EARS2: variants seen among roughly 807,000 people sequenced by gnomAD.
EARS2 encodes glutamyl-tRNA synthetase 2, mitochondrial.
In EARS2, 50 loss-of-function variants were observed where a neutral mutation model predicts 54.1. The ratio of observed to expected loss-of-function variants is 0.92; its 90% CI spans 0.74 to 1.17. The LOEUF (loss-of-function observed/expected upper bound fraction) is 1.17, where lower values mean the gene tolerates loss of function less well. Among genes scored for constraint, EARS2 ranks in the 50% most tolerant of loss-of-function variants. EARS2 has a pLI of 0.00. For missense variants in EARS2, 673 were observed against 675.0 expected (o/e 1.00, Z 0.03); for synonymous variants, 298 against 281.0 (o/e 1.06, Z -0.61).
chr16:23,535,498 T>C, intron 3 of EARS2, 138 bp from the exon 4 acceptor site: 2 of 718,358 alleles, frequency 2.8e-6, no homozygotes, highest in South Asian at 1.9e-5. Flanking sequence ...ACAGGGATGA[T>C]GGTACAGTTG....
intron 3 of EARS2, among the ~76,000 whole-genome samples, chr16:23,539,256 C>T (rs1169006948): frequency 6.6e-6 from 1 of 152,134 alleles, no homozygotes; most frequent in Non-Finnish European, 1.5e-5. Flanking sequence ...ATAGTTTTTA[C>T]AGATCTTTTA....
intron 7 of EARS2, 112 bp downstream of exon 7, chr16:23,529,390 G>T: frequency 7.3e-7 from 1 of 1,363,834 alleles, no homozygotes; most frequent in Non-Finnish European, 1.0e-6. Context: ...TTCTTCACTG[G>T]CCATGGAGTT....
intron 7 of EARS2, 36 bp from the exon 8 acceptor site, chr16:23,525,415 G>A: frequency 6.3e-7 from 1 of 1,588,664 alleles, no homozygotes; most frequent in Non-Finnish European, 8.6e-7. Flanking sequence ...GGCCTGCATG[G>A]GCCAATGGCA....
chr16:23,538,756 G>C (rs983244891), intron 3 of EARS2, among the ~76,000 whole-genome samples: 11 of 152,008 alleles, frequency 7.2e-5, no homozygotes, highest in African/African-American at 2.7e-4. Context: ...CCACCCACTT[G>C]GGAGACTGAA....
rs577733714 is a variant in EARS2 at position 23,535,117 on chromosome 16, G to A, written c.729C>T (p.His243=). The change falls in exon 4 of 9, where the codon CAC becomes CAT. Residue 243 remains histidine (H), a synonymous_variant. Transcript: ENST00000449606. ...CGAGCCACTCAGAGCCTCGCAGCAC[G>A]TGGCTGATGCCCATGTGGTGGTCGT... ...VVDDHHMGIS[H]VLRGSEWLVS... 1.8e-5 allele frequency: 29 copies of A among 1,611,918 alleles called. No individual in the cohort carries two copies. In the South Asian group the frequency reaches 2.1e-4, roughly 12 times the overall value.
rs1965162586 is a variant in EARS2, at chr16:23,522,904, C to T, written c.*1467G>A. On this transcript the variant is annotated 3_prime_UTR_variant, in exon 9 of 9. Coordinates refer to ENST00000449606, the MANE Select transcript of EARS2 (RefSeq NM_001083614.2). ...GACCAGCTTTCAAGATTGCACACTC[C>T]CATGGCTATTGGTGGGAGGCCTCGA... is the stretch of plus-strand genomic sequence containing the variant. 2.0e-5 allele frequency: 3 copies of T among 152,270 alleles called. 1 individual carries two copies. In the South Asian group the frequency reaches 6.2e-4, roughly 32 times the overall value. The allele number at this position is 152,270 out of a possible 1,614,324, so 9.4% of individuals were successfully genotyped here.
Position 23,557,332 on chromosome 16 carries a change from G to A in EARS2, c.12C>T (p.Leu4=), listed in dbSNP as rs746929664. The stretch of plus-strand genomic sequence containing the variant: ...TCTCGCGCTGCAGCAGTCTCCTCAG[G>A]AGCGCCGCCATGTGGGATGGAATAG... The part of the protein sequence containing the change: MAA[L]LRRLLQRERP... Residue 4 remains leucine, a synonymous_variant, in exon 1 of 9, where the codon CTC becomes CTT. Coordinates refer to ENST00000449606, the MANE Select transcript of EARS2 (RefSeq NM_001083614.2). 3 of 1,548,192 alleles carry A rather than the reference G, an allele frequency of 1.9e-6. No homozygotes were observed. The highest frequency in any genetic ancestry group is 1.7e-6 in the Non-Finnish European group (2 of 1,153,802).
At chr16:23,529,432 G>GA (rs1447747237) in intron 7 of EARS2, 70 bp downstream of exon 7, 1 of 1,558,890 alleles carries the variant, frequency 6.4e-7, no homozygotes, top group Non-Finnish European at 8.7e-7. Flanking sequence ...AGCCCTGAAG[G>GA]AAAGAGAGCC....
At chr16:23,535,512 G>A in intron 3 of EARS2, 152 bp from the exon 4 acceptor site, 1 of 662,048 alleles carries the variant, frequency 1.5e-6, no homozygotes, top group Non-Finnish European at 2.5e-6. Context: ...ACAGTTGTGT[G>A]GAAAACTGAG....
chr16:23,539,178 C>T lies in EARS2; in HGVS notation c.486-3818G>A, dbSNP rs145515012. 5.3e-5 allele frequency among the ~76,000 whole-genome samples: 8 copies of T among 152,092 alleles called. No individual in the cohort carries two copies. In the South Asian group the frequency reaches 8.3e-4, roughly 16 times the overall value. On this transcript the variant is annotated intron_variant, in intron 3 of 8. Coordinates refer to ENST00000449606, the MANE Select transcript of EARS2 (RefSeq NM_001083614.2). Reference sequence around the variant, plus strand: ...CTTTAATATAGATAGGGTTTCACCACGTTGCCCAGGCTGCAGTTGTGTCCT... The same window carrying T: ...CTTTAATATAGATAGGGTTTCACCATGTTGCCCAGGCTGCAGTTGTGTCCT...
intron 1 of EARS2, chr16:23,556,740 T>A: frequency 1.1e-5 from 4 of 374,810 alleles, no homozygotes; most frequent in South Asian, 4.1e-5. Flanking sequence ...ACCTGCTCAG[T>A]AAAGCCTTCT....
At chr16:23,544,451 C>T (rs1262147441) in intron 3 of EARS2, 63 bp downstream of exon 3, 1 of 1,497,622 alleles carries the variant, frequency 6.7e-7, no homozygotes, top group African/African-American at 1.4e-5. Flanking sequence ...ATTTCTTACG[C>T]AGCACAAGGT....
rs563659719 is a variant in EARS2, at chr16:23,542,651, A to T, written c.485+1863T>A. Reference sequence around the variant, plus strand: ...TCATTAAAAATAACAAATAATTAAAATTACTTTACACATTACTTTCTGAGA... The same window carrying T: ...TCATTAAAAATAACAAATAATTAAATTTACTTTACACATTACTTTCTGAGA... On this transcript the variant is annotated intron_variant, in intron 3 of 8. Transcript: ENST00000449606. 2.0e-5 allele frequency among the ~76,000 whole-genome samples: 3 copies of T among 152,114 alleles called. No homozygotes were observed. In the South Asian group the frequency reaches 6.2e-4, roughly 31 times the overall value.
intron 2 of EARS2, among the ~76,000 whole-genome samples, chr16:23,548,406 A>C (rs993625822): frequency 2.0e-5 from 3 of 152,142 alleles, no homozygotes. Context: ...TCTGGGCTGC[A>C]AGCCTCATTC....
intron 3 of EARS2, 191 bp from the exon 4 acceptor site, chr16:23,535,551 T>G: frequency 5.0e-6 from 3 of 603,340 alleles, no homozygotes. Flanking sequence ...CACTAATGTC[T>G]GCCTATCTAC....
intron 1 of EARS2, among the ~76,000 whole-genome samples, chr16:23,553,496 C>T (rs1483964044): frequency 2.6e-5 from 4 of 152,112 alleles, no homozygotes; most frequent in Admixed American, 2.6e-4. Context: ...GTAGCTCACA[C>T]CTCTAATCCC....
intron 2 of EARS2, among the ~76,000 whole-genome samples, chr16:23,551,312 G>A (rs1433645570): frequency 1.3e-5 from 2 of 152,166 alleles, no homozygotes; most frequent in African/African-American, 4.8e-5. Flanking sequence ...GAGATTCTGA[G>A]GTGAAAACAG....
At position 23,535,058 on chromosome 16, in the gene EARS2, G is replaced by A; in HGVS notation, c.788C>T (p.Ala263Val). The A allele has an allele frequency of 6.2e-7, 1 of 1,607,580 alleles. No homozygotes were observed. Among genetic ancestry groups the A allele is most frequent in the Non-Finnish European group, 8.5e-7 (1 of 1,177,664 alleles). The part of the protein sequence containing the change: ...STAKHLLLYQ[A>V]LGWQPPHFAH... The stretch of plus-strand genomic sequence containing the variant: ...GAAGTGGGGTGGCTGCCAGCCCAGG[G>A]CCTGGTAGAGGAGCAGGTGCTTGGC... Residue 263 changes from alanine to valine, a missense_variant, in exon 4 of 9, where the codon GCC becomes GTC. By Grantham distance (64) the Ala-to-Val change is moderately conservative. Around this residue, in one of 3 missense-constraint regions of EARS2, gnomAD observed 338 missense variants for 361.2 expected, o/e 0.94. Transcript: ENST00000449606.
At chr16:23,529,982 G>C in intron 5 of EARS2, 85 bp from the exon 6 acceptor site, 1 of 1,535,784 alleles carries the variant, frequency 6.5e-7, no homozygotes. Flanking sequence ...GGTGAAGTTG[G>C]AAGAATGACA....
Sources: allele counts gnomAD v4.1 joint callset (sites outside exome capture counted in the v4.1 genomes callset), GRCh38; gene constraint gnomAD v4.1.1; regional missense constraint gnomAD v4.1.1; transcripts MANE v1.5; gene names NCBI Gene and HGNC (gene_info 2026-07-23, HGNC 2026-07-21).